FREM3: variants seen among roughly 807,000 people sequenced by gnomAD.
The protein encoded by FREM3 is FRAS1-related extracellular matrix protein 3.
In FREM3, 105 loss-of-function variants were observed where a neutral mutation model predicts 129.1. The observed-to-expected ratio is 0.81, with a 90% CI of 0.69 to 0.96. The LOEUF (loss-of-function observed/expected upper bound fraction) is 0.96. FREM3 is among the 40% of genes least tolerant of loss of function. The probability of loss-of-function intolerance (pLI) is 0.00; values close to 1 mark genes in which losing one functional copy is unlikely to be tolerated. For synonymous variants in FREM3, 1,014 were observed against 1,044.9 expected (o/e 0.97, Z 0.57); for missense variants, 2,593 against 2,666.3 (o/e 0.97, Z 0.61).
Position 143,700,345 on chromosome 4 carries a change from A to G in FREM3, c.331T>C (p.Ser111Pro). The part of the protein sequence containing the change: ...DALPRLKGAL[S>P]PRRFPCTFGP... ...AAGGTGCAGGGGAAGCGGCGCGGGG[A>G]GAGCGCGCCCTTGAGCCGCGGCAGG... The change falls in exon 1 of 8, where the codon TCC becomes CCC. Residue 111 changes from serine to proline, a missense_variant. By Grantham distance (74) the Ser-to-Pro change is moderately conservative. This residue lies in a region of FREM3 where 2,276 missense variants were observed against 2,267.2 expected (regional missense o/e 1.00). Coordinates refer to ENST00000329798, the MANE Select transcript of FREM3 (RefSeq NM_001168235.2). 1 of 1,534,664 alleles carries G rather than the reference A, an allele frequency of 6.5e-7. No individual in the cohort carries two copies. The highest frequency in any genetic ancestry group is 8.7e-7 in the Non-Finnish European group (1 of 1,145,886).
At chr4:143,619,435 A>G (rs1442370081) in intron 5 of FREM3, among the ~76,000 whole-genome samples, 1 of 152,154 alleles carries the variant, frequency 6.6e-6, no homozygotes, top group Non-Finnish European at 1.5e-5. Flanking sequence ...TGCTGTGCGC[A>G]AGCAGAATGA....
chr4:143,670,115 C>CA (rs148556364), intron 2 of FREM3, among the ~76,000 whole-genome samples: 11,047 of 152,142 alleles, frequency 0.073, 1,071 homozygotes, highest in African/African-American at 0.21. Context: ...TCAATCTCAT[C>CA]AAATTGTTTC....
chr4:143,655,635 G>C (rs1194441486), intron 2 of FREM3, among the ~76,000 whole-genome samples: 1 of 152,104 alleles, frequency 6.6e-6, no homozygotes, highest in Admixed American at 6.5e-5. Context: ...GGTCCATATG[G>C]CTCCATTGAG....
At chr4:143,655,813 C>A (rs1427651813) in intron 2 of FREM3, among the ~76,000 whole-genome samples, 1 of 152,150 alleles carries the variant, frequency 6.6e-6, no homozygotes, top group Non-Finnish European at 1.5e-5. Flanking sequence ...TAGCTAGAGG[C>A]TATAAGCTTT....
At chr4:143,656,581 C>A (rs932743313) in intron 2 of FREM3, among the ~76,000 whole-genome samples, 3 of 152,082 alleles carry the variant, frequency 2.0e-5, no homozygotes, top group Non-Finnish European at 4.4e-5. Flanking sequence ...TGGCAAGATT[C>A]TATTTATGTG....
intron 6 of FREM3, among the ~76,000 whole-genome samples, chr4:143,606,723 G>A (rs1238837440): frequency 6.6e-6 from 1 of 152,082 alleles, no homozygotes; most frequent in East Asian, 1.9e-4. Context: ...CAACAACGAG[G>A]AGGCTGAACC....
Position 143,698,089 on chromosome 4 carries a change from GGTCAAT to G in FREM3, c.2581_2586del (p.Ile861_Asp862del). 1.3e-6 allele frequency: 2 copies of G among 1,537,356 alleles called. No homozygotes were observed. Among genetic ancestry groups the G allele is most frequent in the Non-Finnish European group, 1.7e-6 (2 of 1,146,928 alleles). ...CCCCGGACTAATATGAAGACAATTT[GGTCAAT>G]GTCTGTGTCTGGGTCTGTAACATGC... is the stretch of plus-strand genomic sequence containing the variant. On this transcript the variant is annotated inframe_deletion, in exon 1 of 8. Coordinates refer to ENST00000329798, the MANE Select transcript of FREM3 (RefSeq NM_001168235.2).
chr4:143,673,474 C>T (rs555831722), intron 2 of FREM3, among the ~76,000 whole-genome samples: 3 of 152,162 alleles, frequency 2.0e-5, no homozygotes, highest in African/African-American at 4.8e-5. Flanking sequence ...GAGGGGTACC[C>T]GGCCGTGTGA....
Position 143,624,327 on chromosome 4 carries a change from TG to T in FREM3, c.5433del (p.Asp1813MetfsTer31). The T allele has an allele frequency of 1.3e-6, 2 of 1,530,290 alleles. No individual in the cohort carries two copies. The highest frequency in any genetic ancestry group is 1.8e-6 in the Non-Finnish European group (2 of 1,140,838). The allele number at this position is 1,530,290 out of a possible 1,614,324, so 94.8% of individuals were successfully genotyped here. A position where few individuals can be genotyped will look rare whatever the true frequency, so the allele number is the denominator to read the frequency against. On this transcript the variant is annotated frameshift_variant, in exon 4 of 8. Coordinates refer to ENST00000329798, the MANE Select transcript of FREM3 (RefSeq NM_001168235.2). LOFTEE classifies it high-confidence loss of function. ...LGETSFISIG[T>X]KDETAKKDKD... ...TTGTCTTTTTTTGCAGTTTCATCTTTGGTACCAATGCCTGAATAAAAATCAG... is the reference window on the plus strand; with the variant it reads ...TTGTCTTTTTTTGCAGTTTCATCTTTGTACCAATGCCTGAATAAAAATCAG...
intron 2 of FREM3, among the ~76,000 whole-genome samples, chr4:143,655,029 A>G (rs1383406827): frequency 6.6e-6 from 1 of 152,162 alleles, no homozygotes; most frequent in Admixed American, 6.5e-5. Flanking sequence ...CCATTTCCAC[A>G]CCAGGAGGCC....
chr4:143,647,250 T>C (rs111650617), intron 2 of FREM3, among the ~76,000 whole-genome samples: 1 of 44,632 alleles, frequency 2.2e-5, no homozygotes, highest in East Asian at 2.4e-3. Context: ...GCAGAAGAAA[T>C]TTCTATGTGA....
intron 7 of FREM3, among the ~76,000 whole-genome samples, chr4:143,582,051 A>G (rs1738156920): frequency 6.6e-6 from 1 of 151,346 alleles, no homozygotes; most frequent in Non-Finnish European, 1.5e-5. Flanking sequence ...TGGGCTCACA[A>G]TGCAGCCACT....
chr4:143,680,650 G>C (rs1359972609), intron 2 of FREM3, among the ~76,000 whole-genome samples: 4 of 151,978 alleles, frequency 2.6e-5, no homozygotes, highest in Admixed American at 2.6e-4. Flanking sequence ...AGAGTTGTTT[G>C]AAAAATAAGA....
intron 6 of FREM3, among the ~76,000 whole-genome samples, chr4:143,599,048 A>G (rs1354707058): frequency 6.6e-6 from 1 of 152,168 alleles, no homozygotes; most frequent in African/African-American, 2.4e-5. Flanking sequence ...TGGTTTTTGG[A>G]TTTCTCATAA....
At position 143,611,277 on chromosome 4, in the gene FREM3, A is replaced by G; in HGVS notation, c.6028+2T>C. 1 of 1,534,960 alleles carries G rather than the reference A, an allele frequency of 6.5e-7. No homozygotes were observed. On this transcript the variant is annotated splice_donor_variant, in intron 6 of 7. Transcript: ENST00000329798. LOFTEE classifies it high-confidence loss of function. Reference sequence around the variant, plus strand: ...AGGTTGGAAAGCAACAAATGGACTTACCATCATAACGATCAGCCAGAATAG... The same window carrying G: ...AGGTTGGAAAGCAACAAATGGACTTGCCATCATAACGATCAGCCAGAATAG...
rs1318291928 is a variant in FREM3 at position 143,697,855 on chromosome 4, T to C, written c.2821A>G (p.Arg941Gly). ...CTTCTGAGAGAGATCCTAGGACTTC[T>C]GTTAGCCACATTGGGATGCACAGAA... ...PISVHPNVANRSPRISLRSSS... is the reference protein window; with the variant it reads ...PISVHPNVANGSPRISLRSSS... Residue 941 changes from arginine to glycine, a missense_variant, in exon 1 of 8, where the codon AGA becomes GGA. Arg to Gly is a moderately radical substitution (Grantham distance 125, BLOSUM62 -2). This residue lies in a region of FREM3 where 2,276 missense variants were observed against 2,267.2 expected (regional missense o/e 1.00). Coordinates refer to ENST00000329798, the MANE Select transcript of FREM3 (RefSeq NM_001168235.2). 1 of 1,537,858 alleles carries C rather than the reference T, an allele frequency of 6.5e-7. No homozygotes were observed. The highest frequency in any genetic ancestry group is 2.0e-5 in the Admixed American group (1 of 51,012).
intron 2 of FREM3, among the ~76,000 whole-genome samples, chr4:143,658,853 T>A (rs1294837883): frequency 3.9e-5 from 6 of 152,150 alleles, no homozygotes; most frequent in Admixed American, 6.5e-5. Flanking sequence ...GCATGCTCAC[T>A]ACTTCAACTC....
At position 143,620,918 on chromosome 4, in the gene FREM3, G is replaced by A. The variant is rs1405777369; in HGVS notation, c.5779+119C>T. On this transcript the variant is annotated intron_variant, in intron 5 of 7. Coordinates refer to ENST00000329798, the MANE Select transcript of FREM3 (RefSeq NM_001168235.2). ...TCGCAGCAGGGCATGGACAATGAGG[G>A]GCCCAGGCATCCAGCATCTTAACTC... The A allele has an allele frequency of 6.1e-6, 6 of 978,670 alleles. No homozygotes were observed. The South Asian group carries it at 6.8e-5, about 11-fold the overall frequency. The allele number at this position is 978,670 out of a possible 1,614,324, so 60.6% of individuals were successfully genotyped here.
chr4:143,616,654 G>A (rs772062664), intron 5 of FREM3, among the ~76,000 whole-genome samples: 4 of 152,082 alleles, frequency 2.6e-5, no homozygotes, highest in African/African-American at 9.7e-5. Context: ...TTAGCCGGGC[G>A]TGGTGGTGGG....
Sources: allele counts gnomAD v4.1 joint callset (sites outside exome capture counted in the v4.1 genomes callset), GRCh38; gene constraint gnomAD v4.1.1; regional missense constraint gnomAD v4.1.1; transcripts MANE v1.5; gene names NCBI Gene and HGNC (gene_info 2026-07-23, HGNC 2026-07-21).